The following KALRN variants were observed in gnomAD, a reference collection of about 807,000 sequenced individuals.
The protein encoded by KALRN is kalirin RhoGEF kinase, also known as kalirin.
Under a neutral mutation model 353.7 loss-of-function variants are expected in KALRN, and 70 were observed. The ratio of observed to expected loss-of-function variants is 0.20; its 90% CI spans 0.16 to 0.24. KALRN has a LOEUF of 0.24. Among genes scored for constraint, KALRN ranks in the 10% least tolerant of loss-of-function variants. The pLI is 1.00. For synonymous variants in KALRN, 1,391 were observed against 1,434.8 expected, an observed-to-expected ratio of 0.97 and a Z score of 0.69; for missense variants, 2,791 against 3,756.7, an observed-to-expected ratio of 0.74 and a Z score of 6.72.
At chr3:124,181,661 C>T (rs766013456) in intron 1 of KALRN, among the ~76,000 whole-genome samples, 8 of 151,814 alleles carry the variant, frequency 5.3e-5, no homozygotes, top group East Asian at 1.9e-4. Flanking sequence ...GGGAGGAGAA[C>T]GTGGAGGGGA....
intron 1 of KALRN, among the ~76,000 whole-genome samples, chr3:124,086,152 C>T (rs1169780838): frequency 2.0e-5 from 3 of 151,924 alleles, no homozygotes; most frequent in Non-Finnish European, 4.4e-5. Context: ...ATAGAATACA[C>T]TGCAATGTGT....
chr3:124,541,491 C>A (rs2069023476), intron 33 of KALRN, among the ~76,000 whole-genome samples: 1 of 151,852 alleles, frequency 6.6e-6, no homozygotes, highest in African/African-American at 2.4e-5. Context: ...CCATATAATT[C>A]TTGGACCTTT....
intron 21 of KALRN, among the ~76,000 whole-genome samples, chr3:124,448,274 T>C (rs1455568139): frequency 1.3e-5 from 2 of 152,202 alleles, no homozygotes; most frequent in African/African-American, 4.8e-5. Flanking sequence ...CTAATTTGAT[T>C]GCATGCCTTT....
intron 1 of KALRN, among the ~76,000 whole-genome samples, chr3:124,154,468 C>T (rs943590558): frequency 1.3e-5 from 2 of 152,162 alleles, no homozygotes; most frequent in Non-Finnish European, 2.9e-5. Flanking sequence ...ACACGAATAA[C>T]AGACAAACAG....
intron 34 of KALRN, among the ~76,000 whole-genome samples, chr3:124,607,204 T>C (rs1323628827): frequency 6.6e-6 from 1 of 152,256 alleles, no homozygotes; most frequent in Non-Finnish European, 1.5e-5. Flanking sequence ...AGTGGTGTGG[T>C]ATTCAGCCAT....
intron 9 of KALRN, among the ~76,000 whole-genome samples, chr3:124,335,218 C>T (rs1268773609): frequency 6.6e-6 from 1 of 152,052 alleles, no homozygotes; most frequent in Non-Finnish European, 1.5e-5. Context: ...ATGCACGTGG[C>T]CTGCCAGAGT....
chr3:124,287,805 A>T (rs1281777932), intron 5 of KALRN, among the ~76,000 whole-genome samples: 1 of 21,272 alleles, frequency 4.7e-5, no homozygotes, highest in Admixed American at 4.7e-4. Context: ...ATATATATAT[A>T]TATATATATA....
intron 6 of KALRN, among the ~76,000 whole-genome samples, chr3:124,304,606 T>A (rs887986536): frequency 6.6e-6 from 1 of 152,158 alleles, no homozygotes; most frequent in Non-Finnish European, 1.5e-5. Context: ...AAACAAGCAT[T>A]TAAAGTATCG....
chr3:124,242,084 A>T (rs139596319), intron 3 of KALRN, among the ~76,000 whole-genome samples: 1 of 152,330 alleles, frequency 6.6e-6, no homozygotes, highest in African/African-American at 2.4e-5. Flanking sequence ...TAAAAAAGCC[A>T]TTGAAGAGCT....
At chr3:124,467,586 GGGAGAAAAGT>G (rs1278405021) in intron 25 of KALRN, among the ~76,000 whole-genome samples, 1 of 152,210 alleles carries the variant, frequency 6.6e-6, no homozygotes, top group African/African-American at 2.4e-5. Flanking sequence ...GGCCCTGCAA[GGGAGAAAAGT>G]GGTGAAGTCT....
chr3:124,390,261 C>T (rs1465671270), intron 11 of KALRN, among the ~76,000 whole-genome samples: 1 of 152,162 alleles, frequency 6.6e-6, no homozygotes, highest in African/African-American at 2.4e-5. Flanking sequence ...TTCAAAATAC[C>T]CGTTTTTAGA....
intron 33 of KALRN, among the ~76,000 whole-genome samples, chr3:124,502,229 C>G (rs2108660431): frequency 6.6e-6 from 1 of 152,316 alleles, no homozygotes; most frequent in African/African-American, 2.4e-5. Context: ...ACTGAGATTC[C>G]CATGCCTGTG....
chr3:124,563,809 C>A (rs2072367204), intron 34 of KALRN, among the ~76,000 whole-genome samples: 2 of 152,014 alleles, frequency 1.3e-5, no homozygotes, highest in Admixed American at 6.6e-5. Flanking sequence ...CAGGTGCCAG[C>A]CTGGGCAACT....
At chr3:124,556,422 A>G (rs1480420871) in intron 33 of KALRN, among the ~76,000 whole-genome samples, 1 of 152,186 alleles carries the variant, frequency 6.6e-6, no homozygotes, top group Non-Finnish European at 1.5e-5. Context: ...ATTATAATCA[A>G]TTCAAGATAA....
chr3:124,417,405 C>A (rs187442819), intron 14 of KALRN, among the ~76,000 whole-genome samples: 11 of 152,278 alleles, frequency 7.2e-5, no homozygotes, highest in Non-Finnish European at 1.2e-4. Flanking sequence ...TCTGACCGTG[C>A]GACTGTTACA....
intron 38 of KALRN, among the ~76,000 whole-genome samples, chr3:124,654,458 T>C (rs1160130034): frequency 6.6e-6 from 1 of 152,220 alleles, no homozygotes; most frequent in Non-Finnish European, 1.5e-5. Context: ...ATCTCAGAAC[T>C]TTATCATTTC....
In KALRN at chr3:124,068,245, A is replaced by G. The variant is rs538896783; in HGVS notation, c.73+34432A>G. ...TCTTCTTTCTGGGAGGAAAGCACCC[A>G]CCTCCATCTGTGGAACTCAGTATAC... On this transcript the variant is annotated intron_variant, in intron 1 of 59. Coordinates refer to ENST00000682506, the MANE Select transcript of KALRN (RefSeq NM_001388419.1). 9.9e-5 allele frequency among the ~76,000 whole-genome samples: 15 copies of G among 152,096 alleles called. 1 individual carries two copies. The highest frequency in any genetic ancestry group is 5.2e-4 in the Admixed American group (8 of 15,272).
At chr3:124,394,351 G>C (rs2089889903) in intron 11 of KALRN, among the ~76,000 whole-genome samples, 1 of 152,154 alleles carries the variant, frequency 6.6e-6, no homozygotes. Flanking sequence ...GTAGTCAAAA[G>C]TGAGCTCTCT....
chr3:124,409,780 A>T (rs2091969133), intron 13 of KALRN, among the ~76,000 whole-genome samples: 1 of 152,232 alleles, frequency 6.6e-6, no homozygotes, highest in Non-Finnish European at 1.5e-5. Flanking sequence ...AACCTAATGA[A>T]AAAAACATTC....
Sources: gnomAD v4.1 joint callset for allele counts (sites outside exome capture counted in the v4.1 genomes callset) on GRCh38, gnomAD v4.1.1 for gene constraint, MANE v1.5 for transcripts, NCBI Gene and HGNC (gene_info 2026-07-23, HGNC 2026-07-21) for gene names.